Variants in TENM2 observed in about 807,000 individuals in gnomAD.
TENM2 encodes the protein teneurin-2.
A neutral mutation model predicts 245.2 loss-of-function variants in TENM2; 52 were observed. The observed-to-expected ratio is 0.21, with a 90% CI of 0.17 to 0.27. The LOEUF (loss-of-function observed/expected upper bound fraction) is 0.27, where lower values mean the gene tolerates loss of function less well. Among genes scored for constraint, TENM2 ranks in the 10% least tolerant of loss-of-function variants. The pLI is 1.00. For missense variants in TENM2, 3,046 were observed against 3,666.8 expected (o/e 0.83, Z 4.37); for synonymous variants, 1,363 against 1,438.9 (o/e 0.95, Z 1.19).
chr5:167,270,514 T>A, the TENM2 span, among the ~76,000 whole-genome samples: 17,205 of 152,130 alleles, frequency 0.11, 1,137 homozygotes, highest in East Asian at 0.19. Flanking sequence ...TTCTTCTTTG[T>A]CTCTTCATCA....
At chr5:167,558,058 T>C (rs946835229) in intron 2 of TENM2, among the ~76,000 whole-genome samples, 1 of 152,230 alleles carries the variant, frequency 6.6e-6, no homozygotes, top group Non-Finnish European at 1.5e-5. Context: ...CTAAAAGCCG[T>C]GAAACAGAAA....
At chr5:166,990,034 A>C in the TENM2 span, among the ~76,000 whole-genome samples, 4 of 152,154 alleles carry the variant, frequency 2.6e-5, no homozygotes, top group Non-Finnish European at 5.9e-5. Context: ...ATAAATAGAC[A>C]AAGAAAGCAT....
intron 2 of TENM2, among the ~76,000 whole-genome samples, chr5:167,695,403 T>C (rs1446359151): frequency 6.6e-6 from 1 of 152,218 alleles, no homozygotes; most frequent in East Asian, 1.9e-4. Context: ...TGAAATGTTA[T>C]TCTTCTTTTG....
intron 2 of TENM2, among the ~76,000 whole-genome samples, chr5:167,861,077 C>T (rs996529078): frequency 3.3e-5 from 5 of 149,386 alleles, no homozygotes; most frequent in Admixed American, 2.7e-4. Flanking sequence ...AAGAAAACAA[C>T]GTCAAAATAA....
chr5:167,445,336 T>TAGAGAGAGAGAGAGAGAGAGAGAGAG (rs1554154174), intron 2 of TENM2, among the ~76,000 whole-genome samples: 1 of 77,314 alleles, frequency 1.3e-5, no homozygotes, highest in Non-Finnish European at 2.4e-5. Flanking sequence ...TATATATATA[T>TAGAGAGAGAGAGAGAGAGAGAGAGAG]AGAGAGAGAG....
intron 2 of TENM2, among the ~76,000 whole-genome samples, chr5:167,404,945 C>T (rs1395111694): frequency 1.3e-5 from 2 of 152,110 alleles, no homozygotes; most frequent in Non-Finnish European, 2.9e-5. Context: ...CATTCCCCTC[C>T]ACAACTGCCA....
intron 2 of TENM2, among the ~76,000 whole-genome samples, chr5:167,402,337 A>G (rs537690479): frequency 6.6e-6 from 1 of 152,278 alleles, no homozygotes; most frequent in East Asian, 1.9e-4. Flanking sequence ...AGGTAGAAAC[A>G]TTTACCCCTG....
intron 2 of TENM2, among the ~76,000 whole-genome samples, chr5:167,636,435 C>T (rs553879923): frequency 2.0e-5 from 3 of 152,208 alleles, no homozygotes; most frequent in African/African-American, 4.8e-5. Flanking sequence ...AAAAATATTG[C>T]CTTGCGAGTT....
chr5:167,437,116 C>T (rs1282442534), intron 2 of TENM2, among the ~76,000 whole-genome samples: 1 of 152,070 alleles, frequency 6.6e-6, no homozygotes, highest in Admixed American at 6.5e-5. Flanking sequence ...TACTGTGTGC[C>T]TGGAAAAGCC....
intron 5 of TENM2, among the ~76,000 whole-genome samples, chr5:167,996,071 C>A (rs936797062): frequency 6.6e-6 from 1 of 152,110 alleles, no homozygotes; most frequent in African/African-American, 2.4e-5. Flanking sequence ...TGCCAGGCAC[C>A]GTGACAAATA....
chr5:168,044,679 G>A (rs1256767347), intron 5 of TENM2, among the ~76,000 whole-genome samples: 2 of 152,078 alleles, frequency 1.3e-5, no homozygotes, highest in African/African-American at 2.4e-5. Flanking sequence ...CCCTTAAGGA[G>A]CCATTATTCT....
At chr5:167,199,929 G>A in the TENM2 span, among the ~76,000 whole-genome samples, 4 of 151,330 alleles carry the variant, frequency 2.6e-5, no homozygotes, top group African/African-American at 7.4e-5. Context: ...TTAAGTTAAG[G>A]CATAAGTTTC....
At chr5:167,684,884 A>G (rs1756969361) in intron 2 of TENM2, among the ~76,000 whole-genome samples, 1 of 152,204 alleles carries the variant, frequency 6.6e-6, no homozygotes, top group South Asian at 2.1e-4. Flanking sequence ...GAAAACTGCA[A>G]CATACAGAGC....
chr5:168,120,055 T>A (rs1230938423), intron 10 of TENM2, among the ~76,000 whole-genome samples: 1 of 152,200 alleles, frequency 6.6e-6, no homozygotes, highest in Non-Finnish European at 1.5e-5. Context: ...CAGTGCTTTG[T>A]ACTTAGATAC....
intron 3 of TENM2, among the ~76,000 whole-genome samples, chr5:167,889,107 C>A (rs796157903): frequency 2.8e-4 from 43 of 152,188 alleles, no homozygotes; most frequent in South Asian, 6.2e-4. Flanking sequence ...AACAAAAAAA[C>A]CACACAAAAA....
the TENM2 span, among the ~76,000 whole-genome samples, chr5:167,269,536 T>TACAGAC: frequency 6.6e-6 from 1 of 150,610 alleles, no homozygotes; most frequent in Non-Finnish European, 1.5e-5. Flanking sequence ...AAATAGTGAC[T>TACAGAC]ACACACACAC....
At chr5:167,001,619 G>C in the TENM2 span, among the ~76,000 whole-genome samples, 1 of 151,414 alleles carries the variant, frequency 6.6e-6, no homozygotes, top group Non-Finnish European at 1.5e-5. Context: ...CTGACCATTA[G>C]ATTTAATCAA....
intron 10 of TENM2, among the ~76,000 whole-genome samples, chr5:168,120,904 T>C (rs921889079): frequency 6.6e-6 from 1 of 152,232 alleles, no homozygotes; most frequent in Non-Finnish European, 1.5e-5. Flanking sequence ...TTAACAAATT[T>C]GCCCAAGAAA....
chr5:167,940,012 T>C (rs955802375), intron 3 of TENM2, among the ~76,000 whole-genome samples: 4 of 152,150 alleles, frequency 2.6e-5, no homozygotes, highest in African/African-American at 9.7e-5. Context: ...TCCATGGGGA[T>C]TTCTGCTTGT....
Sources: allele counts gnomAD v4.1 joint callset (sites outside exome capture counted in the v4.1 genomes callset), GRCh38; gene constraint gnomAD v4.1.1; transcripts MANE v1.5; gene names NCBI Gene and HGNC (gene_info 2026-07-23, HGNC 2026-07-21).